GPC5: variants seen among roughly 807,000 people sequenced by gnomAD.
The protein encoded by GPC5 is glypican-5.
In GPC5, 47 loss-of-function variants were observed where a neutral mutation model predicts 53.9. That is an observed-to-expected ratio of 0.87 (90% CI 0.69 to 1.11). GPC5 has a LOEUF of 1.11. Ranked by LOEUF, GPC5 falls within the 50% of genes most tolerant of loss-of-function variation. GPC5 has a pLI of 0.00. For synonymous variants in GPC5, 286 were observed against 263.3 expected, an observed-to-expected ratio of 1.09 and a Z score of -0.84; for missense variants, 748 against 713.1, an observed-to-expected ratio of 1.05 and a Z score of -0.56.
chr13:91,624,035 A>G lies in GPC5; in HGVS notation c.326-69152A>G, dbSNP rs1049747300. On this transcript the variant is annotated intron_variant, in intron 2 of 7. Transcript: ENST00000377067. ...GGAATTTCCAAACCAACGAAGAGCA[A>G]GCAAATGAGCAAGAAAGAGTGAACG... Among the ~76,000 whole-genome samples the G allele has an allele frequency of 2.6e-5, 4 of 152,162 alleles. No homozygotes were observed. In the East Asian group the frequency reaches 7.7e-4, roughly 29 times the overall value.
rs879239057 is a variant in GPC5 at position 92,374,035 on chromosome 13, C to T, written c.1561+229046C>T. On this transcript the variant is annotated intron_variant, in intron 7 of 7. Transcript: ENST00000377067. Reference sequence around the variant, plus strand: ...CTATTTTGACCTTGAGTTGCCATATCCTATAAATGAAACAAAACCTGAGCT... The same window carrying T: ...CTATTTTGACCTTGAGTTGCCATATTCTATAAATGAAACAAAACCTGAGCT... Among the ~76,000 whole-genome samples the T allele has an allele frequency of 4.6e-5, 7 of 152,172 alleles. 1 individual carries two copies. The highest frequency in any genetic ancestry group is 4.6e-4 in the Admixed American group (7 of 15,270).
At chr13:91,945,198 T>C (rs756233256) in intron 6 of GPC5, among the ~76,000 whole-genome samples, 1 of 152,192 alleles carries the variant, frequency 6.6e-6, no homozygotes, top group African/African-American at 2.4e-5. Flanking sequence ...AGGGATTCAT[T>C]GCATATTCTT....
intron 7 of GPC5, among the ~76,000 whole-genome samples, chr13:92,809,441 G>A (rs543646705): frequency 2.0e-5 from 3 of 152,224 alleles, no homozygotes; most frequent in Non-Finnish European, 4.4e-5. Context: ...TTTCGTTACA[G>A]CTGTGGTACA....
At position 91,414,069 on chromosome 13, in the gene GPC5, G is replaced by A. The variant is rs181500099; in HGVS notation, c.163+14860G>A. 5.0e-4 allele frequency among the ~76,000 whole-genome samples: 76 copies of A among 152,190 alleles called. No homozygotes were observed. The East Asian group carries it at 7.9e-3, about 16-fold the overall frequency. Reference sequence around the variant, plus strand: ...AGCCATTTCCCCCACTGCCCCAGTGGTCTAGTTTCCCCTACTGCCTCAATG... The same window carrying A: ...AGCCATTTCCCCCACTGCCCCAGTGATCTAGTTTCCCCTACTGCCTCAATG... On this transcript the variant is annotated intron_variant, in intron 1 of 7. Transcript: ENST00000377067.
chr13:92,574,407 A>T (rs912787915), intron 7 of GPC5, among the ~76,000 whole-genome samples: 2 of 152,090 alleles, frequency 1.3e-5, no homozygotes, highest in African/African-American at 4.8e-5. Flanking sequence ...ATTTTTTTTC[A>T]AAGTTTGTTG....
chr13:91,660,930 T>C (rs572140920), intron 2 of GPC5, among the ~76,000 whole-genome samples: 1 of 152,344 alleles, frequency 6.6e-6, no homozygotes, highest in African/African-American at 2.4e-5. Flanking sequence ...ATCTACTATG[T>C]ACAAGGCAAT....
intron 7 of GPC5, among the ~76,000 whole-genome samples, chr13:92,381,025 A>C (rs2139306294): frequency 6.6e-6 from 1 of 152,308 alleles, no homozygotes; most frequent in South Asian, 2.1e-4. Flanking sequence ...TCTGTTACAG[A>C]ATATGGCACC....
chr13:91,462,979 C>A (rs1355721653), intron 2 of GPC5, among the ~76,000 whole-genome samples: 1 of 151,810 alleles, frequency 6.6e-6, no homozygotes, highest in Non-Finnish European at 1.5e-5. Flanking sequence ...ATGATTGGTA[C>A]CACTGTTCTA....
At chr13:92,457,453 G>T (rs554849454) in intron 7 of GPC5, among the ~76,000 whole-genome samples, 1 of 151,954 alleles carries the variant, frequency 6.6e-6, no homozygotes, top group Non-Finnish European at 1.5e-5. Context: ...ACATCTCCAG[G>T]CATTCCCATA....
chr13:91,942,895 C>T (rs1407939808), intron 6 of GPC5, among the ~76,000 whole-genome samples: 1 of 152,028 alleles, frequency 6.6e-6, no homozygotes, highest in Non-Finnish European at 1.5e-5. Context: ...CATCCATATA[C>T]ATATTTAAGA....
At chr13:92,208,419 C>T (rs2042352596) in intron 7 of GPC5, among the ~76,000 whole-genome samples, 1 of 152,178 alleles carries the variant, frequency 6.6e-6, no homozygotes, top group Non-Finnish European at 1.5e-5. Flanking sequence ...TTCTATTAAT[C>T]CCACTAAGTT....
chr13:92,644,043 G>T (rs1885682155), intron 7 of GPC5, among the ~76,000 whole-genome samples: 1 of 152,142 alleles, frequency 6.6e-6, no homozygotes, highest in African/African-American at 2.4e-5. Context: ...AGGAAGCATG[G>T]GGGTAGGTAG....
At chr13:92,201,161 T>C (rs145430988) in intron 7 of GPC5, among the ~76,000 whole-genome samples, 317 of 152,340 alleles carry the variant, frequency 2.1e-3, no homozygotes, top group Non-Finnish European at 3.7e-3. Context: ...ATCTTTATTC[T>C]GTAAAAGTCT....
intron 7 of GPC5, among the ~76,000 whole-genome samples, chr13:92,225,554 T>A (rs1460419744): frequency 6.6e-6 from 1 of 152,330 alleles, no homozygotes; most frequent in Admixed American, 6.5e-5. Context: ...TATAAATGAT[T>A]AATGCAGTCC....
chr13:92,653,365 A>T (rs1360249084), intron 7 of GPC5, among the ~76,000 whole-genome samples: 1 of 152,182 alleles, frequency 6.6e-6, no homozygotes, highest in Non-Finnish European at 1.5e-5. Flanking sequence ...GCAGCCAAAG[A>T]GAGTGCTCAG....
intron 7 of GPC5, among the ~76,000 whole-genome samples, chr13:92,552,213 G>T (rs901763190): frequency 1.3e-5 from 2 of 151,854 alleles, no homozygotes; most frequent in South Asian, 4.1e-4. Context: ...TTTCAACAAA[G>T]CCATATTGAA....
At chr13:92,121,946 T>C (rs539111565) in intron 6 of GPC5, among the ~76,000 whole-genome samples, 13 of 152,326 alleles carry the variant, frequency 8.5e-5, no homozygotes, top group African/African-American at 2.9e-4. Flanking sequence ...TTTCATCCAA[T>C]TACCTCATTC....
chr13:91,970,457 A>G (rs557900230), intron 6 of GPC5, among the ~76,000 whole-genome samples: 9 of 151,658 alleles, frequency 5.9e-5, no homozygotes, highest in African/African-American at 1.7e-4. Flanking sequence ...ACACACATAC[A>G]TACACACAAG....
At chr13:91,699,938 T>A (rs572091161) in intron 3 of GPC5, among the ~76,000 whole-genome samples, 1 of 152,226 alleles carries the variant, frequency 6.6e-6, no homozygotes, top group East Asian at 1.9e-4. Flanking sequence ...AATTTTGTTT[T>A]TTTTCAGATA....
Sources: gnomAD v4.1 joint callset for allele counts (sites outside exome capture counted in the v4.1 genomes callset) on GRCh38, gnomAD v4.1.1 for gene constraint, MANE v1.5 for transcripts, NCBI Gene and HGNC (gene_info 2026-07-23, HGNC 2026-07-21) for gene names.